The following BPIFA3 variants were observed in gnomAD, a reference collection of about 807,000 sequenced individuals.
BPIFA3 encodes the protein BPI fold containing family A member 3, also known as BPI fold-containing family A member 3.
Under a neutral mutation model 29.7 loss-of-function variants are expected in BPIFA3, and 32 were observed. The observed-to-expected ratio is 1.08, with a 90% CI of 0.81 to 1.45. The LOEUF is 1.45. Among genes scored for constraint, BPIFA3 ranks in the 40% most tolerant of loss-of-function variants. BPIFA3 has a pLI of 0.00. For missense variants in BPIFA3, 323 were observed against 311.3 expected (o/e 1.04, Z -0.28); for synonymous variants, 112 against 113.7 (o/e 0.98, Z 0.10).
Position 33,226,426 on chromosome 20 carries a change from A to G in BPIFA3, c.557A>G (p.Asn186Ser). The change falls in exon 5 of 7, where the codon AAT becomes AGT. Residue 186 changes from asparagine to serine, a missense_variant. Coordinates refer to ENST00000375454, the MANE Select transcript of BPIFA3 (RefSeq NM_178466.5). The stretch of plus-strand genomic sequence containing the variant: ...TCTAGGGCTATCCCACCAAAGATGA[A>G]TCAGTTTCTCTACAACCTCAAAGAG... ...ILTEAIPPKM[N>S]QFLYNLKENL... 1 of 1,612,890 alleles carries G rather than the reference A, an allele frequency of 6.2e-7. No individual in the cohort carries two copies. Among genetic ancestry groups the G allele is most frequent in the Non-Finnish European group, 8.5e-7 (1 of 1,179,200 alleles).
intron 6 of BPIFA3, 59 bp downstream of exon 6, chr20:33,227,052 T>C: frequency 6.6e-7 from 1 of 1,517,990 alleles, no homozygotes; most frequent in South Asian, 1.1e-5. Flanking sequence ...CTGAAAGAGG[T>C]ACCCCCGGCC....
chr20:33,226,791 G>A, intron 5 of BPIFA3, 139 bp from the exon 6 acceptor site: 2 of 887,970 alleles, frequency 2.3e-6, no homozygotes, highest in Non-Finnish European at 1.8e-6. Flanking sequence ...CAGGTAGTTG[G>A]CGCTCACTAC....
chr20:33,217,328 C>G (rs1270065127), upstream of BPIFA3: 16 of 533,616 alleles, frequency 3.0e-5, no homozygotes, highest in Non-Finnish European at 4.7e-5. Context: ...GGCCTCCTCC[C>G]AGGGTTCCAC....
Position 33,227,450 on chromosome 20 carries a change from G to A in BPIFA3, c.686-88G>A. On this transcript the variant is annotated intron_variant, in intron 6 of 6. Coordinates refer to ENST00000375454, the MANE Select transcript of BPIFA3 (RefSeq NM_178466.5). ...TGAACGCTCCCGGCACCTGCCTTTG[G>A]TCACCATGGATGGATGAGGGTTTCC... 2 of 1,131,366 alleles carry A rather than the reference G, an allele frequency of 1.8e-6. 1 individual carries two copies. The highest frequency in any genetic ancestry group is 2.7e-6 in the Non-Finnish European group (2 of 749,588). The allele number at this position is 1,131,366 out of a possible 1,614,324, so 70.1% of individuals were successfully genotyped here.
chr20:33,223,627 A>T, intron 1 of BPIFA3, 184 bp from the exon 2 acceptor site: 1 of 629,508 alleles, frequency 1.6e-6, no homozygotes, highest in Non-Finnish European at 2.6e-6. Context: ...TTTATTTCTC[A>T]CATCAATCTT....
intron 1 of BPIFA3, among the ~76,000 whole-genome samples, chr20:33,218,358 G>A (rs1300024326): frequency 6.6e-6 from 1 of 152,182 alleles, no homozygotes; most frequent in East Asian, 1.9e-4. Flanking sequence ...ATGGCTGTGT[G>A]GTCTACACGT....
At chr20:33,224,300 T>A in intron 2 of BPIFA3, 55 bp from the exon 3 acceptor site, 1 of 1,426,346 alleles carries the variant, frequency 7.0e-7, no homozygotes, top group Non-Finnish European at 9.8e-7. Flanking sequence ...GCAGGAAGCC[T>A]TACCTGTTCT....
At chr20:33,222,554 AGATGGATGGATG>A (rs56018803) in intron 1 of BPIFA3, among the ~76,000 whole-genome samples, 4,938 of 129,412 alleles carry the variant, frequency 0.038, 144 homozygotes, top group Middle Eastern at 0.059. Flanking sequence ...ATAGATGGAC[AGATGGATGGATG>A]GATGGATGGA....
intron 1 of BPIFA3, among the ~76,000 whole-genome samples, chr20:33,221,083 T>C (rs184940844): frequency 2.6e-5 from 4 of 152,306 alleles, no homozygotes; most frequent in East Asian, 1.9e-4. Context: ...ATTGTATTAA[T>C]AGATTTTTCT....
Position 33,226,397 on chromosome 20 carries a change from T to G in BPIFA3, c.537-9T>G. ...CTGTTCTGTTCTGTGCCTCTACCTT[T>G]CTTTCTAGGGCTATCCCACCAAAGA... On this transcript the variant is annotated splice_polypyrimidine_tract_variant and intron_variant, in intron 4 of 6. Coordinates refer to ENST00000375454, the MANE Select transcript of BPIFA3 (RefSeq NM_178466.5). 6.2e-7 allele frequency: 1 copy of G among 1,604,190 alleles called. No homozygotes were observed.
chr20:33,217,351 C>T (rs1382940634), upstream of BPIFA3: 1 of 655,940 alleles, frequency 1.5e-6, no homozygotes, highest in East Asian at 3.2e-5. Context: ...GTTGCTCTCC[C>T]AATGTGAGCA....
intron 1 of BPIFA3, among the ~76,000 whole-genome samples, chr20:33,218,614 C>T (rs180759556): frequency 9.5e-4 from 145 of 152,284 alleles, no homozygotes; most frequent in African/African-American, 3.2e-3. Flanking sequence ...TCCATACAGC[C>T]TTTTCTCTGT....
chr20:33,224,515 C>T (rs192172563), intron 3 of BPIFA3, 53 bp downstream of exon 3: 1 of 1,427,686 alleles, frequency 7.0e-7, no homozygotes, highest in African/African-American at 1.4e-5. Context: ...TCGCAGGGAA[C>T]CTGGGAAATT....
At chr20:33,221,439 G>A (rs575795343) in intron 1 of BPIFA3, among the ~76,000 whole-genome samples, 6 of 152,314 alleles carry the variant, frequency 3.9e-5, no homozygotes, top group African/African-American at 7.2e-5. Flanking sequence ...TTACAGGCGT[G>A]AGCCACTGCG....
intron 2 of BPIFA3, 26 bp downstream of exon 2, chr20:33,223,987 C>T (rs1985655296): frequency 6.2e-7 from 1 of 1,610,792 alleles, no homozygotes; most frequent in Non-Finnish European, 8.5e-7. Flanking sequence ...CTATCCGTGG[C>T]CCTGGAACTC....
chr20:33,222,596 A>ATGGT (rs1985570731), intron 1 of BPIFA3, among the ~76,000 whole-genome samples: 1 of 130,010 alleles, frequency 7.7e-6, no homozygotes, highest in Non-Finnish European at 1.5e-5. Flanking sequence ...GGATGGATGG[A>ATGGT]TGGATGGATG....
At position 33,223,962 on chromosome 20, in the gene BPIFA3, G is replaced by T. The variant is rs1469671809; in HGVS notation, c.278+1G>T. 9.3e-6 allele frequency: 15 copies of T among 1,613,688 alleles called. No individual in the cohort carries two copies. Among genetic ancestry groups the T allele is most frequent in the African/African-American group, 2.7e-5 (2 of 74,926 alleles). Reference sequence around the variant, plus strand: ...AACACCAGCAGCAGCAAGAGAGCAGGTGAGACCCTGAGTTCTATCCGTGGC... The same window carrying T: ...AACACCAGCAGCAGCAAGAGAGCAGTTGAGACCCTGAGTTCTATCCGTGGC... On this transcript the variant is annotated splice_donor_variant, in intron 2 of 6. Coordinates refer to ENST00000375454, the MANE Select transcript of BPIFA3 (RefSeq NM_178466.5). LOFTEE classifies it high-confidence loss of function.
intron 1 of BPIFA3, among the ~76,000 whole-genome samples, chr20:33,219,797 T>A (rs765557794): frequency 6.6e-6 from 1 of 152,158 alleles, no homozygotes; most frequent in Non-Finnish European, 1.5e-5. Flanking sequence ...AATTTTAGAG[T>A]GTGTTGAGTT....
Position 33,217,649 on chromosome 20 carries a change from C to G in BPIFA3, c.113C>G (p.Ser38Cys), listed in dbSNP as rs1367131861. Residue 38 changes from serine to cysteine, a missense_variant, in exon 1 of 7, where the codon TCC becomes TGC. By Grantham distance (112) the Ser-to-Cys change is moderately radical. Coordinates refer to ENST00000375454, the MANE Select transcript of BPIFA3 (RefSeq NM_178466.5). ...GCCCAAGCCCACAGAGACAACAAAT[C>G]CACCCTGGCAAGAAGTAAGCTAAGC... The part of the protein sequence containing the change: ...GLAQAHRDNK[S>C]TLARIIAQGL... 4 of 1,613,558 alleles carry G rather than the reference C, an allele frequency of 2.5e-6. No individual in the cohort carries two copies. The African/African-American group carries it at 5.3e-5, about 22-fold the overall frequency.
Sources: allele counts gnomAD v4.1 joint callset (sites outside exome capture counted in the v4.1 genomes callset), GRCh38; gene constraint gnomAD v4.1.1; transcripts MANE v1.5; gene names NCBI Gene and HGNC (gene_info 2026-07-23, HGNC 2026-07-21).